The following UGGT2 variants were observed in gnomAD, a reference collection of about 807,000 sequenced individuals.
UGGT2 encodes UDP-glucose glycoprotein glucosyltransferase 2, also known as UDP-glucose:glycoprotein glucosyltransferase 2.
Under a neutral mutation model 192.1 loss-of-function variants are expected in UGGT2, and 180 were observed. The ratio of observed to expected loss-of-function variants is 0.94; its 90% CI spans 0.83 to 1.06. UGGT2 has a LOEUF of 1.06. Among genes scored for constraint, UGGT2 ranks in the 50% least tolerant of loss-of-function variants. The pLI, the probability that UGGT2 is intolerant of heterozygous loss-of-function variation, is 0.00. For synonymous variants in UGGT2, 580 were observed against 591.0 expected, an observed-to-expected ratio of 0.98 and a Z score of 0.27; for missense variants, 1,849 against 1,795.7, an observed-to-expected ratio of 1.03 and a Z score of -0.54.
chr13:95,966,955 T>C (rs1168509728), intron 12 of UGGT2, among the ~76,000 whole-genome samples: 1 of 152,224 alleles, frequency 6.6e-6, no homozygotes, highest in Non-Finnish European at 1.5e-5. Context: ...ATGTCAATAA[T>C]ACTCGATTGT....
intron 37 of UGGT2, among the ~76,000 whole-genome samples, chr13:95,834,404 C>T (rs962283964): frequency 2.6e-5 from 4 of 151,936 alleles, no homozygotes; most frequent in African/African-American, 9.7e-5. Context: ...CTGCTGAATA[C>T]CCAACAATGC....
At chr13:95,951,337 T>A (rs1216027555) in intron 12 of UGGT2, among the ~76,000 whole-genome samples, 1 of 152,152 alleles carries the variant, frequency 6.6e-6, no homozygotes, top group Non-Finnish European at 1.5e-5. Flanking sequence ...GAAGAAAGAA[T>A]TAATGAATTT....
chr13:95,853,259 A>T lies in UGGT2; in HGVS notation c.4284+284T>A, dbSNP rs532746915. Among the ~76,000 whole-genome samples, 7 of 152,328 alleles carry T rather than the reference A, an allele frequency of 4.6e-5. No individual in the cohort carries two copies. The East Asian group carries it at 1.2e-3, about 25-fold the overall frequency. On this transcript the variant is annotated intron_variant, in intron 36 of 38. Transcript: ENST00000376747. Reference sequence around the variant, plus strand: ...ATTACCCAGTCTTGGGTATATCTTTATTAGCAGTGAGAACGGACTAATACA... The same window carrying T: ...ATTACCCAGTCTTGGGTATATCTTTTTTAGCAGTGAGAACGGACTAATACA...
intron 29 of UGGT2, among the ~76,000 whole-genome samples, chr13:95,869,665 T>C (rs1227271992): frequency 6.6e-6 from 1 of 152,206 alleles, no homozygotes; most frequent in Non-Finnish European, 1.5e-5. Flanking sequence ...ACCACTGTAC[T>C]ATCAGACCTT....
chr13:95,999,337 C>A (rs372600258), intron 5 of UGGT2, 30 bp from the exon 6 acceptor site: 10 of 1,593,388 alleles, frequency 6.3e-6, no homozygotes, highest in East Asian at 4.5e-5. Flanking sequence ...TTATAAAAAG[C>A]GAAAAGAGTT....
At chr13:95,882,127 C>T (rs755134330) in intron 27 of UGGT2, among the ~76,000 whole-genome samples, 7 of 152,082 alleles carry the variant, frequency 4.6e-5, no homozygotes, top group Non-Finnish European at 7.4e-5. Flanking sequence ...TCAGGCTGGC[C>T]TCAAACTCCT....
chr13:95,859,784 T>A, intron 32 of UGGT2, 109 bp from the exon 33 acceptor site: 1 of 801,384 alleles, frequency 1.2e-6, no homozygotes, highest in Non-Finnish European at 1.9e-6. Context: ...TCTTAAATTT[T>A]ACTTTAAGTT....
chr13:95,807,128 G>A (rs1884344939), intron 38 of UGGT2, among the ~76,000 whole-genome samples: 2 of 152,098 alleles, frequency 1.3e-5, no homozygotes, highest in African/African-American at 2.4e-5. Flanking sequence ...AATATATTTT[G>A]TATATGTATT....
intron 38 of UGGT2, among the ~76,000 whole-genome samples, chr13:95,802,547 T>C (rs1454949432): frequency 2.0e-5 from 3 of 152,112 alleles, no homozygotes; most frequent in Non-Finnish European, 4.4e-5. Flanking sequence ...TGGGGCAAAG[T>C]TACCAATGAA....
At chr13:95,959,574 A>G (rs2050323254) in intron 12 of UGGT2, among the ~76,000 whole-genome samples, 1 of 152,144 alleles carries the variant, frequency 6.6e-6, no homozygotes, top group Non-Finnish European at 1.5e-5. Flanking sequence ...GCATCTGAGC[A>G]CACCTCCCAG....
At chr13:95,810,853 A>G (rs1287475882) in intron 38 of UGGT2, among the ~76,000 whole-genome samples, 1 of 152,240 alleles carries the variant, frequency 6.6e-6, no homozygotes, top group African/African-American at 2.4e-5. Flanking sequence ...AATTTTATAA[A>G]TTACACCTGG....
intron 29 of UGGT2, among the ~76,000 whole-genome samples, chr13:95,871,731 G>A (rs1467439772): frequency 6.6e-6 from 1 of 152,184 alleles, no homozygotes; most frequent in Non-Finnish European, 1.5e-5. Context: ...GAGCGATTTG[G>A]TTTTGTTGTT....
rs1314300030 is a variant in UGGT2, at chr13:96,013,425, A to G, written c.542T>C (p.Leu181Ser). Residue 181 changes from leucine (L) to serine (S), a missense_variant, in exon 5 of 39, where the codon TTA (leucine) becomes TCA (serine). Leu to Ser is a moderately radical substitution (Grantham distance 145). Transcript: ENST00000376747. The part of the protein sequence containing the change: ...DHKFPTNKEN[L>S]PVVILYAEMG... ...TTCGGCATAGAGAATCACCACTGGT[A>G]AGTTCTCTTTGTTTGTAGGAAATTT... The G allele has an allele frequency of 2.5e-6, 4 of 1,606,138 alleles. No individual in the cohort carries two copies. In the African/African-American group the frequency reaches 4.0e-5, roughly 16 times the overall value.
At chr13:95,830,818 C>G (rs944637554) in intron 38 of UGGT2, among the ~76,000 whole-genome samples, 2 of 152,190 alleles carry the variant, frequency 1.3e-5, no homozygotes, top group Non-Finnish European at 2.9e-5. Context: ...GCTATAAAGA[C>G]ACATGCACAC....
At chr13:95,844,569 GATA>G (rs535642635) in intron 36 of UGGT2, among the ~76,000 whole-genome samples, 59 of 152,252 alleles carry the variant, frequency 3.9e-4, no homozygotes, top group African/African-American at 1.4e-3. Context: ...TACAGAAATG[GATA>G]ATTTCAATTT....
chr13:95,962,664 G>T (rs1332456882), intron 12 of UGGT2, among the ~76,000 whole-genome samples: 1 of 152,104 alleles, frequency 6.6e-6, no homozygotes, highest in Non-Finnish European at 1.5e-5. Flanking sequence ...AAAAAATGAA[G>T]AGGAGAGAAT....
chr13:95,935,107 C>G (rs918485506), intron 17 of UGGT2, among the ~76,000 whole-genome samples: 1 of 152,268 alleles, frequency 6.6e-6, no homozygotes, highest in Non-Finnish European at 1.5e-5. Flanking sequence ...TTGAGCCCGT[C>G]TCCTGTAGAC....
chr13:95,846,977 C>T (rs192175794), intron 36 of UGGT2, among the ~76,000 whole-genome samples: 3 of 150,068 alleles, frequency 2.0e-5, no homozygotes, highest in East Asian at 1.9e-4. Context: ...AGAGGTTCAT[C>T]GGTTTTGTTG....
Position 96,051,307 on chromosome 13 carries a change from G to C in UGGT2, c.158+1848C>G, listed in dbSNP as rs114691295. On this transcript the variant is annotated intron_variant, in intron 1 of 38. Coordinates refer to ENST00000376747, the MANE Select transcript of UGGT2 (RefSeq NM_020121.4). ...TGAGAATACTTGGACACACAATGGG[G>C]AACATCACACACCAGGGCCTGTTGT... Among the ~76,000 whole-genome samples the C allele has an allele frequency of 2.3e-3, 353 of 152,222 alleles. 3 individuals carry two copies. The highest frequency in any genetic ancestry group is 8.1e-3 in the African/African-American group (336 of 41,516).
Sources: allele counts gnomAD v4.1 joint callset (sites outside exome capture counted in the v4.1 genomes callset), GRCh38; gene constraint gnomAD v4.1.1; transcripts MANE v1.5; gene names NCBI Gene and HGNC (gene_info 2026-07-23, HGNC 2026-07-21).